The following RIPOR3 variants were observed in gnomAD, a reference collection of about 807,000 sequenced individuals.
RIPOR3 encodes RIPOR family member 3, also known as family with sequence similarity 65 member C.
In RIPOR3, 95 loss-of-function variants were observed where a neutral mutation model predicts 114.3. The observed-to-expected ratio is 0.83, with a 90% CI of 0.70 to 0.99. The LOEUF (loss-of-function observed/expected upper bound fraction) is 0.99. Among genes scored for constraint, RIPOR3 ranks in the 50% least tolerant of loss-of-function variants. The probability of loss-of-function intolerance (pLI) is 0.00; values close to 1 mark genes in which losing one functional copy is unlikely to be tolerated. For missense variants in RIPOR3, 1,252 were observed against 1,266.9 expected (o/e 0.99, Z 0.18); for synonymous variants, 575 against 543.8 (o/e 1.06, Z -0.80).
intron 20 of RIPOR3, among the ~76,000 whole-genome samples, 179 bp from the exon 21 acceptor site, chr20:50,588,071 T>G (rs2122839160): frequency 6.6e-6 from 1 of 152,338 alleles, no homozygotes; most frequent in East Asian, 1.9e-4. Context: ...ACCTCTGGAC[T>G]CTGGAAGCGT....
intron 1 of RIPOR3, among the ~76,000 whole-genome samples, chr20:50,682,474 G>A (rs1199348863): frequency 6.6e-6 from 1 of 152,046 alleles, no homozygotes; most frequent in East Asian, 1.9e-4. Flanking sequence ...AAGTGTGGTG[G>A]TGCACGCCTG....
chr20:50,638,627 A>G (rs1412585836), intron 1 of RIPOR3, among the ~76,000 whole-genome samples: 2 of 152,104 alleles, frequency 1.3e-5, no homozygotes, highest in African/African-American at 2.4e-5. Flanking sequence ...TCGGGGCGCC[A>G]GGTGGGAAGG....
chr20:50,598,959 C>CTGAATCAGCAAAAGCTGAACCAT (rs374518175), intron 13 of RIPOR3, among the ~76,000 whole-genome samples: 2,557 of 150,772 alleles, frequency 0.017, 64 homozygotes, highest in African/African-American at 0.058. Context: ...AGCAAAAAAA[C>CTGAATCAGCAAAAGCTGAACCAT]TGAATCAGCA....
At chr20:50,624,481 A>T (rs1029171629) in intron 2 of RIPOR3, among the ~76,000 whole-genome samples, 5 of 152,164 alleles carry the variant, frequency 3.3e-5, no homozygotes, top group African/African-American at 7.2e-5. Context: ...ACCTGGATGC[A>T]CCTGCTCCCG....
At chr20:50,630,292 T>A (rs11906464) in intron 2 of RIPOR3, among the ~76,000 whole-genome samples, 5,893 of 151,932 alleles carry the variant, frequency 0.039, 402 homozygotes, top group African/African-American at 0.14. Context: ...TTCAAAAAAA[T>A]TTTTGTAGAG....
intron 1 of RIPOR3, among the ~76,000 whole-genome samples, chr20:50,636,045 C>T (rs920447521): frequency 2.0e-5 from 3 of 152,252 alleles, no homozygotes; most frequent in African/African-American, 7.2e-5. Flanking sequence ...GGCCTGCGGA[C>T]CGCGACAGTT....
chr20:50,691,427 A>T lies in RIPOR3; in HGVS notation c.-299T>A. 1 of 254,466 alleles carries T rather than the reference A, an allele frequency of 3.9e-6. No individual in the cohort carries two copies. The highest frequency in any genetic ancestry group is 7.9e-6 in the Non-Finnish European group (1 of 126,552). 15.8% of individuals were successfully genotyped at this position (254,466 alleles called of 1,614,324 possible). On this transcript the variant is annotated 5_prime_UTR_variant, in exon 1 of 22. It removes an upstream start codon present in the reference 5' UTR. Transcript: ENST00000327979. Reference sequence around the variant, plus strand: ...GGCCTGTGTCAGGGTGCAGGCGGCCATGGAGCTGGGGTTCCAGGAAGCCCT... The same window carrying T: ...GGCCTGTGTCAGGGTGCAGGCGGCCTTGGAGCTGGGGTTCCAGGAAGCCCT...
intron 11 of RIPOR3, among the ~76,000 whole-genome samples, chr20:50,606,995 G>T (rs1179036188): frequency 1.3e-5 from 2 of 152,164 alleles, no homozygotes. Flanking sequence ...CTCTCAAAGT[G>T]CTGGGATTAT....
intron 1 of RIPOR3, among the ~76,000 whole-genome samples, chr20:50,659,161 T>C (rs1033389734): frequency 1.3e-5 from 2 of 152,216 alleles, no homozygotes; most frequent in Non-Finnish European, 2.9e-5. Context: ...CAGCATTTGC[T>C]TGCAGAAGCC....
rs569970749 is a variant in RIPOR3 at position 50,587,298 on chromosome 20, G to A, written c.2787C>T (p.Asp929=). The change falls in exon 22 of 22, where the codon GAC becomes GAT. Residue 929 remains aspartate (D), a synonymous_variant. Transcript: ENST00000327979. ...EKGRLAFEKM[D]KLCSEQREVF... ...CTTCTCTTTGTTCTGAGCAGAGCTT[G>A]TCCATCTTCTCAAAAGCTAACCGTC... is the stretch of plus-strand genomic sequence containing the variant. 47 of 1,614,206 alleles carry A rather than the reference G, an allele frequency of 2.9e-5. No homozygotes were observed. In the South Asian group the frequency reaches 4.7e-4, roughly 16 times the overall value.
chr20:50,672,878 A>C (rs2123547622), intron 1 of RIPOR3, among the ~76,000 whole-genome samples: 1 of 152,340 alleles, frequency 6.6e-6, no homozygotes, highest in Middle Eastern at 3.4e-3. Flanking sequence ...GGGGATGTGA[A>C]GACAGATCCT....
rs375758598 is a variant in RIPOR3 at position 50,633,980 on chromosome 20, C to CT, written c.4-3125dup. ...TTCCTTTTCCTTCTTTCTTTCTTTT[C>CT]TTTTTTTTTTTTTTTTTTTTAGACA... On this transcript the variant is annotated intron_variant, in intron 1 of 21. Coordinates refer to ENST00000327979, the MANE Select transcript of RIPOR3 (RefSeq NM_001290268.2). 3.6e-3 allele frequency among the ~76,000 whole-genome samples: 474 copies of CT among 131,030 alleles called. 3 individuals are homozygous for CT. Among genetic ancestry groups the CT allele is most frequent in the East Asian group, 0.015 (68 of 4,390 alleles). The allele number at this position is 131,030 out of a possible 152,430, so 86.0% of individuals were successfully genotyped here.
At chr20:50,683,256 T>C (rs568301940) in intron 1 of RIPOR3, among the ~76,000 whole-genome samples, 6 of 152,094 alleles carry the variant, frequency 3.9e-5, no homozygotes, top group Non-Finnish European at 8.8e-5. Flanking sequence ...GGAGGCAAGA[T>C]GGGAAAAGAG....
At position 50,602,387 on chromosome 20, in the gene RIPOR3, C is replaced by G; in HGVS notation, c.1344G>C (p.Glu448Asp). 5 of 1,612,294 alleles carry G rather than the reference C, an allele frequency of 3.1e-6. No individual in the cohort carries two copies. Among genetic ancestry groups the G allele is most frequent in the Non-Finnish European group, 4.2e-6 (5 of 1,179,344 alleles). The change falls in exon 13 of 22, where the codon GAG (glutamate) becomes GAC (aspartate). Residue 448 changes from glutamate (E) to aspartate (D), a missense_variant. Glu to Asp is a conservative substitution (Grantham distance 45). Coordinates refer to ENST00000327979, the MANE Select transcript of RIPOR3 (RefSeq NM_001290268.2). This position sits in a 1 kb window ranked among gnomAD's most constrained non-coding sequence, Gnocchi z 4.3. ...PHASIEEEAR[E>D]DPLPPGLLPE... The stretch of plus-strand genomic sequence containing the variant: ...GCAGGAGACCTGGGGGCAGGGGGTC[C>G]TCCCGAGCCTCCTCTTCAATGGAGG...
intron 1 of RIPOR3, among the ~76,000 whole-genome samples, chr20:50,644,811 G>A (rs1368760415): frequency 1.4e-5 from 2 of 147,114 alleles, no homozygotes; most frequent in African/African-American, 5.0e-5. Flanking sequence ...GTGAGCCACT[G>A]CACCCAGCCC....
intron 14 of RIPOR3, 135 bp from the exon 15 acceptor site, chr20:50,596,398 G>A: frequency 7.9e-7 from 1 of 1,270,662 alleles, no homozygotes; most frequent in Non-Finnish European, 1.1e-6. Flanking sequence ...AACTGAAGAG[G>A]AAGGGGAAAG....
intron 1 of RIPOR3, among the ~76,000 whole-genome samples, chr20:50,677,475 G>A (rs1028331920): frequency 2.7e-5 from 4 of 148,348 alleles, no homozygotes; most frequent in African/African-American, 9.9e-5. Flanking sequence ...GGGTTCGAGC[G>A]ATTCTTCTGC....
Position 50,651,508 on chromosome 20 carries a change from G to A in RIPOR3, c.4-20652C>T, listed in dbSNP as rs1234919989. ...ACTCTGTCAAGGAAGCCTGAGAATG[G>A]AAGGCCCCTACTCAATCTACCCTCC... On this transcript the variant is annotated intron_variant, in intron 1 of 21. Transcript: ENST00000327979. 3.9e-5 allele frequency among the ~76,000 whole-genome samples: 6 copies of A among 152,258 alleles called. No individual in the cohort carries two copies. The East Asian group carries it at 1.2e-3, about 29-fold the overall frequency.
intron 13 of RIPOR3, among the ~76,000 whole-genome samples, 157 bp downstream of exon 13, chr20:50,601,915 G>C (rs949423848): frequency 6.6e-6 from 1 of 152,218 alleles, no homozygotes. Flanking sequence ...CCGCTTGCCA[G>C]ATGAGGAAAC....
Sources: gnomAD v4.1 joint callset for allele counts (sites outside exome capture counted in the v4.1 genomes callset) on GRCh38, gnomAD v4.1.1 for gene constraint, Gnocchi (gnomAD v3.1) non-coding constraint, MANE v1.5 for transcripts, NCBI Gene and HGNC (gene_info 2026-07-23, HGNC 2026-07-21) for gene names.